The following CLMP variants were observed in gnomAD, a reference collection of about 807,000 sequenced individuals.
CLMP encodes CXADR-like membrane protein.
A neutral mutation model predicts 45.2 loss-of-function variants in CLMP; 27 were observed. That is an observed-to-expected ratio of 0.60 (90% CI 0.44 to 0.82). The LOEUF (loss-of-function observed/expected upper bound fraction) is 0.82. Ranked by LOEUF, CLMP falls within the 40% of genes least tolerant of loss-of-function variation. The probability of loss-of-function intolerance (pLI) is 0.00; values close to 1 mark genes in which losing one functional copy is unlikely to be tolerated. For missense variants in CLMP, 403 were observed against 448.4 expected (o/e 0.90, Z 0.91); for synonymous variants, 167 against 171.4 (o/e 0.97, Z 0.20).
chr11:123,179,845 T>C (rs1281693979), intron 1 of CLMP, among the ~76,000 whole-genome samples: 1 of 152,230 alleles, frequency 6.6e-6, no homozygotes, highest in African/African-American at 2.4e-5. Context: ...AAGTCCACCC[T>C]AACTTCTCTG....
intron 1 of CLMP, among the ~76,000 whole-genome samples, chr11:123,180,990 T>G (rs1235437042): frequency 6.6e-6 from 1 of 152,144 alleles, no homozygotes; most frequent in African/African-American, 2.4e-5. Flanking sequence ...CCGGGGTGTG[T>G]GCATGTGAGA....
chr11:123,118,206 T>C (rs1415435828), intron 1 of CLMP, among the ~76,000 whole-genome samples: 3 of 152,158 alleles, frequency 2.0e-5, no homozygotes, highest in Non-Finnish European at 4.4e-5. Flanking sequence ...CTTGGCTCAC[T>C]GCAACCTCTG....
Position 123,156,946 on chromosome 11 carries a change from C to T in CLMP, c.28+37967G>A, listed in dbSNP as rs181805661. On this transcript the variant is annotated intron_variant, in intron 1 of 6. Coordinates refer to ENST00000448775, the MANE Select transcript of CLMP (RefSeq NM_024769.5). ...TAAGATTTCTATTCAGTGGCTGAGGCTTGTGACCAAAATAACATTTAACAG... is the reference window on the plus strand; with the variant it reads ...TAAGATTTCTATTCAGTGGCTGAGGTTTGTGACCAAAATAACATTTAACAG... Among the ~76,000 whole-genome samples, 310 of 152,290 alleles carry T rather than the reference C, an allele frequency of 2.0e-3. 1 individual carries two copies. Among genetic ancestry groups the T allele is most frequent in the Non-Finnish European group, 2.6e-3 (177 of 68,028 alleles).
intron 1 of CLMP, among the ~76,000 whole-genome samples, chr11:123,125,575 C>T (rs1374083337): frequency 7.6e-6 from 1 of 131,698 alleles, no homozygotes; most frequent in African/African-American, 2.8e-5. Flanking sequence ...CTCCCTCCCT[C>T]CCTCCCTCCT....
chr11:123,117,885 G>A (rs1234131007), intron 1 of CLMP, among the ~76,000 whole-genome samples: 1 of 152,198 alleles, frequency 6.6e-6, no homozygotes, highest in Non-Finnish European at 1.5e-5. Context: ...AGTATGGCAG[G>A]TAGAATATGA....
intron 1 of CLMP, among the ~76,000 whole-genome samples, chr11:123,185,257 G>C (rs897692271): frequency 1.3e-5 from 2 of 152,170 alleles, no homozygotes; most frequent in African/African-American, 4.8e-5. Flanking sequence ...GGGAGAGTTG[G>C]GGAGGGAGGG....
intron 1 of CLMP, among the ~76,000 whole-genome samples, chr11:123,164,864 C>T (rs775265238): frequency 1.3e-5 from 2 of 152,078 alleles, no homozygotes; most frequent in Admixed American, 6.6e-5. Context: ...CATGATAATA[C>T]ACTCCTAAAG....
chr11:123,121,530 T>G (rs1477686663), intron 1 of CLMP, among the ~76,000 whole-genome samples: 1 of 152,158 alleles, frequency 6.6e-6, no homozygotes, highest in Non-Finnish European at 1.5e-5. Context: ...ATTCCTGGCC[T>G]CAAGTGATCT....
intron 2 of CLMP, among the ~76,000 whole-genome samples, 168 bp downstream of exon 2, chr11:123,097,627 C>A (rs906124511): frequency 3.3e-5 from 5 of 152,182 alleles, no homozygotes; most frequent in African/African-American, 9.7e-5. Context: ...CCACACCCAG[C>A]AATACTCTTT....
At chr11:123,074,382 A>T (rs557317571) in intron 6 of CLMP, among the ~76,000 whole-genome samples, 34 of 152,094 alleles carry the variant, frequency 2.2e-4, no homozygotes, top group Non-Finnish European at 4.9e-4. Context: ...GAGTCTAACT[A>T]TGTTGACAAG....
At chr11:123,129,711 T>C (rs1458294959) in intron 1 of CLMP, among the ~76,000 whole-genome samples, 1 of 143,584 alleles carries the variant, frequency 7.0e-6, no homozygotes, top group Non-Finnish European at 1.5e-5. Flanking sequence ...TTATATATTA[T>C]ATAATATATA....
At chr11:123,170,503 G>A (rs1019023807) in intron 1 of CLMP, among the ~76,000 whole-genome samples, 1 of 149,040 alleles carries the variant, frequency 6.7e-6, no homozygotes, top group East Asian at 2.0e-4. Context: ...GAGGTGGCAC[G>A]ATCTTGGCTC....
chr11:123,131,275 C>G (rs1445590700), intron 1 of CLMP, among the ~76,000 whole-genome samples: 1 of 151,880 alleles, frequency 6.6e-6, no homozygotes, highest in Non-Finnish European at 1.5e-5. Context: ...AGAAATTTCT[C>G]TTGCTCCATC....
chr11:123,079,687 C>T (rs1351408068), intron 5 of CLMP, among the ~76,000 whole-genome samples: 1 of 152,104 alleles, frequency 6.6e-6, no homozygotes, highest in Non-Finnish European at 1.5e-5. Flanking sequence ...CCTCGTGATC[C>T]GCCCGCCTCG....
chr11:123,074,997 C>T, intron 5 of CLMP, 154 bp from the exon 6 acceptor site: 1 of 898,816 alleles, frequency 1.1e-6, no homozygotes, highest in Admixed American at 2.9e-5. Context: ...CTCTTGTTGC[C>T]CAGGCTGGGG....
At chr11:123,114,180 GA>G (rs1565386294) in intron 1 of CLMP, among the ~76,000 whole-genome samples, 1 of 152,296 alleles carries the variant, frequency 6.6e-6, no homozygotes, top group East Asian at 1.9e-4. Context: ...CTATGAAAAA[GA>G]AAATAATCGA....
intron 1 of CLMP, among the ~76,000 whole-genome samples, chr11:123,173,239 A>C (rs531732991): frequency 6.6e-6 from 1 of 152,376 alleles, no homozygotes; most frequent in East Asian, 1.9e-4. Flanking sequence ...CTGATATGAC[A>C]GCATGTGTAA....
At position 123,168,987 on chromosome 11, in the gene CLMP, C is replaced by T. The variant is rs534045442; in HGVS notation, c.28+25926G>A. On this transcript the variant is annotated intron_variant, in intron 1 of 6. Coordinates refer to ENST00000448775, the MANE Select transcript of CLMP (RefSeq NM_024769.5). ...GTGGGGAAACCCTGCTCTTCAGGGA[C>T]CCATGAATATGAAAGACCACCATAA... 7.9e-5 allele frequency among the ~76,000 whole-genome samples: 12 copies of T among 152,178 alleles called. No individual in the cohort carries two copies. In the South Asian group the frequency reaches 2.5e-3, roughly 32 times the overall value.
chr11:123,097,460 C>T (rs986473351), intron 2 of CLMP, among the ~76,000 whole-genome samples: 1 of 152,126 alleles, frequency 6.6e-6, no homozygotes, highest in African/African-American at 2.4e-5. Context: ...GCCTCAGCCT[C>T]CCAAGTAGCT....
Sources: allele counts gnomAD v4.1 joint callset (sites outside exome capture counted in the v4.1 genomes callset), GRCh38; gene constraint gnomAD v4.1.1; transcripts MANE v1.5; gene names NCBI Gene and HGNC (gene_info 2026-07-23, HGNC 2026-07-21).